The following KAZN variants were observed in gnomAD, a reference collection of about 807,000 sequenced individuals.
KAZN encodes kazrin, periplakin interacting protein, also known as kazrin.
A neutral mutation model predicts 87.4 loss-of-function variants in KAZN; 40 were observed. The observed-to-expected ratio is 0.46, with a 90% CI of 0.36 to 0.60. The LOEUF is 0.60. Ranked by LOEUF, KAZN falls within the 20% of genes least tolerant of loss-of-function variation. KAZN has a pLI of 0.00. For synonymous variants in KAZN, 466 were observed against 458.3 expected (o/e 1.02, Z -0.22); for missense variants, 898 against 1,073.9 (o/e 0.84, Z 2.29).
chr1:14,579,742 A>C (rs979637748), intron 2 of KAZN, among the ~76,000 whole-genome samples: 1 of 152,174 alleles, frequency 6.6e-6, no homozygotes, highest in African/African-American at 2.4e-5. Flanking sequence ...GAACGGGAAC[A>C]CACTGAGTGG....
intron 1 of KAZN, among the ~76,000 whole-genome samples, chr1:14,029,445 G>C (rs1641225563): frequency 1.0e-5 from 1 of 97,758 alleles, no homozygotes; most frequent in African/African-American, 4.2e-5. Flanking sequence ...TCTGATGGTA[G>C]TTTCTTTTGC....
chr1:14,528,403 C>T (rs759707192), intron 2 of KAZN, among the ~76,000 whole-genome samples: 5 of 147,594 alleles, frequency 3.4e-5, no homozygotes, highest in Non-Finnish European at 7.5e-5. Flanking sequence ...TACTGAGAAT[C>T]TGCCACACGC....
At chr1:13,973,258 C>G (rs1642197407) in intron 1 of KAZN, among the ~76,000 whole-genome samples, 1 of 152,224 alleles carries the variant, frequency 6.6e-6, no homozygotes, top group Non-Finnish European at 1.5e-5. Context: ...GCTATCACCA[C>G]CACTGTGCTG....
chr1:14,109,652 C>A (rs1644454254), intron 1 of KAZN, among the ~76,000 whole-genome samples: 1 of 152,160 alleles, frequency 6.6e-6, no homozygotes, highest in Non-Finnish European at 1.5e-5. Context: ...CTTTTTGGAA[C>A]ATAAATTTGA....
intron 2 of KAZN, among the ~76,000 whole-genome samples, chr1:14,564,233 T>A (rs1258596628): frequency 4.6e-5 from 7 of 152,114 alleles, no homozygotes; most frequent in African/African-American, 1.7e-4. Flanking sequence ...TGAATGCCCT[T>A]CCACAGTTTG....
At chr1:15,052,129 ATG>A (rs548424075) in intron 4 of KAZN, among the ~76,000 whole-genome samples, 3 of 152,028 alleles carry the variant, frequency 2.0e-5, no homozygotes, top group East Asian at 1.9e-4. Context: ...GATCTAATGC[ATG>A]TGTGTGTGTA....
intron 2 of KAZN, among the ~76,000 whole-genome samples, chr1:14,353,376 A>G (rs1377328769): frequency 6.6e-6 from 1 of 151,916 alleles, no homozygotes; most frequent in African/African-American, 2.4e-5. Context: ...GGTGCCTGCC[A>G]CCACGCCCGG....
intron 2 of KAZN, among the ~76,000 whole-genome samples, chr1:14,407,083 G>C (rs1394922976): frequency 2.0e-5 from 3 of 152,200 alleles, no homozygotes; most frequent in Non-Finnish European, 4.4e-5. Context: ...TAGCTTCAGA[G>C]ACTTGCTTTG....
chr1:14,737,819 C>T (rs1280436268), intron 1 of KAZN, among the ~76,000 whole-genome samples: 2 of 152,190 alleles, frequency 1.3e-5, no homozygotes, highest in East Asian at 3.9e-4. Context: ...CCTGCAGTTC[C>T]TTGACACATG....
At chr1:14,104,360 G>C (rs184952483) in intron 1 of KAZN, among the ~76,000 whole-genome samples, 61 of 152,286 alleles carry the variant, frequency 4.0e-4, no homozygotes, top group Admixed American at 2.0e-3. Context: ...TATCCACTCT[G>C]CCTCTGAAAA....
In KAZN at chr1:14,992,713, G is replaced by A. The variant is rs543838905; in HGVS notation, c.418+31838G>A. Among the ~76,000 whole-genome samples, 153 of 152,124 alleles carry A rather than the reference G, an allele frequency of 1.0e-3. 1 individual carries two copies. Among genetic ancestry groups the A allele is most frequent in the African/African-American group, 3.1e-3 (130 of 41,500 alleles). On this transcript the variant is annotated intron_variant, in intron 2 of 14. Transcript: ENST00000376030. ...GGCTGGAGTGCAGCAGCGCAATCTC[G>A]TCTCACTGCAACCTCCATGTCCCGG...
rs1367995575 is a variant in KAZN at position 14,049,475 on chromosome 1, A to G, written c.92-130960A>G. 2.0e-5 allele frequency among the ~76,000 whole-genome samples: 3 copies of G among 152,174 alleles called. No individual in the cohort carries two copies. In the East Asian group the frequency reaches 5.8e-4, roughly 29 times the overall value. On this transcript the variant is annotated intron_variant, in intron 1 of 16. Coordinates refer to the KAZN transcript ENST00000636203. ...AAAACTTAAAGTATAATTAAAACAA[A>G]CAAACAAAAAAGAACCTTCCAATGA...
At chr1:14,528,354 AAAAAAAAG>A (rs1672020546) in intron 2 of KAZN, among the ~76,000 whole-genome samples, 1 of 150,522 alleles carries the variant, frequency 6.6e-6, no homozygotes, top group African/African-American at 2.4e-5. Context: ...AAAAAAAAAA[AAAAAAAAG>A]AAAGAAAAAA....
intron 1 of KAZN, among the ~76,000 whole-genome samples, chr1:13,919,345 C>A (rs915211176): frequency 6.6e-6 from 1 of 152,190 alleles, no homozygotes; most frequent in Non-Finnish European, 1.5e-5. Context: ...TTTGCTCAAC[C>A]CATTTTGGGA....
At chr1:14,814,538 C>A (rs1646509959) in intron 1 of KAZN, among the ~76,000 whole-genome samples, 1 of 152,232 alleles carries the variant, frequency 6.6e-6, no homozygotes, top group Non-Finnish European at 1.5e-5. Context: ...CTATTGGTCC[C>A]TGCTGCCAGT....
rs1557756561 is a variant in KAZN at position 15,050,032 on chromosome 1, AGGGTAGGGTAGGGTAGGGTAGGGTAGG to A, written c.726+5875_726+5901del. Among the ~76,000 whole-genome samples, 71 of 76,542 alleles carry A rather than the reference AGGGTAGGGTAGGGTAGGGTAGGGTAGG, an allele frequency of 9.3e-4. 1 individual carries two copies. The highest frequency in any genetic ancestry group is 5.0e-3 in the African/African-American group (66 of 13,150). 50.2% of individuals were successfully genotyped at this position (76,542 alleles called of 152,430 possible). A position where few individuals can be genotyped will look rare whatever the true frequency, so the allele number is the denominator to read the frequency against. ...AGACTCCATCAGAGTAGAGTAGGGT[AGGGTAGGGTAGGGTAGGGTAGGGTAGG>A]GTAGGGTAGAGTAGAGTAGAGTACA... On this transcript the variant is annotated intron_variant, in intron 4 of 14. Transcript: ENST00000376030.
chr1:14,910,006 C>T (rs1488421927), intron 1 of KAZN, among the ~76,000 whole-genome samples: 1 of 152,080 alleles, frequency 6.6e-6, no homozygotes, highest in African/African-American at 2.4e-5. Context: ...TGAGCCGAGA[C>T]ACTGTTGCAC....
chr1:14,873,119 GAT>G, intron 1 of KAZN, among the ~76,000 whole-genome samples: 1 of 149,086 alleles, frequency 6.7e-6, no homozygotes, highest in Non-Finnish European at 1.5e-5. Context: ...TAGATGAATG[GAT>G]GGGTGGATGG....
intron 1 of KAZN, among the ~76,000 whole-genome samples, chr1:13,943,662 C>T (rs1641025375): frequency 6.6e-6 from 1 of 151,802 alleles, no homozygotes; most frequent in Non-Finnish European, 1.5e-5. Context: ...GGGTTCAAGA[C>T]CAATACAAAG....
Sources: gnomAD v4.1 joint callset for allele counts (sites outside exome capture counted in the v4.1 genomes callset) on GRCh38, gnomAD v4.1.1 for gene constraint, MANE v1.5 for transcripts, NCBI Gene and HGNC (gene_info 2026-07-23, HGNC 2026-07-21) for gene names.